MGAT4C: variants seen among roughly 807,000 people sequenced by gnomAD.
The protein encoded by MGAT4C is alpha-1,3-mannosyl-glycoprotein 4-beta-N-acetylglucosaminyltransferase C.
MGAT4C carries 19 observed loss-of-function variants against 40.1 expected under a neutral mutation model. The observed-to-expected ratio is 0.47, with a 90% confidence interval of 0.33 to 0.70. The LOEUF is 0.70. Ranked by LOEUF, MGAT4C falls within the 30% of genes least tolerant of loss-of-function variation. MGAT4C has a pLI of 0.02. For synonymous variants in MGAT4C, 181 were observed against 187.1 expected (o/e 0.97, Z 0.27); for missense variants, 491 against 563.2 (o/e 0.87, Z 1.30).
chr12:86,170,457 C>T (rs1886690387), intron 1 of MGAT4C, among the ~76,000 whole-genome samples: 6 of 152,052 alleles, frequency 3.9e-5, no homozygotes, highest in Admixed American at 3.9e-4. Flanking sequence ...ATTCTTTTAG[C>T]GACTATTTAC....
intron 1 of MGAT4C, among the ~76,000 whole-genome samples, chr12:86,820,764 G>A (rs944546075): frequency 2.0e-5 from 3 of 150,810 alleles, no homozygotes; most frequent in Non-Finnish European, 4.5e-5. Flanking sequence ...TTTGAGTTCA[G>A]TGTGAAGGAT....
chr12:86,398,031 A>G (rs1162235974), intron 3 of MGAT4C, among the ~76,000 whole-genome samples: 1 of 152,222 alleles, frequency 6.6e-6, no homozygotes, highest in Non-Finnish European at 1.5e-5. Flanking sequence ...ATTCCGAGAA[A>G]CAATTAGCAT....
At chr12:86,162,654 T>G (rs1463288325) in intron 1 of MGAT4C, among the ~76,000 whole-genome samples, 2 of 152,082 alleles carry the variant, frequency 1.3e-5, no homozygotes, top group Non-Finnish European at 2.9e-5. Context: ...GAAGTAAAAA[T>G]TATAATAATA....
intron 1 of MGAT4C, among the ~76,000 whole-genome samples, chr12:86,772,305 A>G (rs1951653436): frequency 6.6e-6 from 1 of 152,200 alleles, no homozygotes; most frequent in African/African-American, 2.4e-5. Context: ...TGAGAATTCG[A>G]TACATGCTGA....
At chr12:86,013,813 C>T (rs979947358) in intron 2 of MGAT4C, 3 of 865,168 alleles carry the variant, frequency 3.5e-6, no homozygotes, top group Admixed American at 1.2e-4. Context: ...TCTCCTACTC[C>T]CATAAATATT....
intron 1 of MGAT4C, among the ~76,000 whole-genome samples, chr12:86,805,198 ATTTC>A (rs1016858706): frequency 2.7e-4 from 41 of 151,880 alleles, no homozygotes; most frequent in African/African-American, 9.9e-4. Context: ...TTGAACAACT[ATTTC>A]TTTCTTTTTT....
chr12:86,314,968 T>A (rs1954167157), intron 4 of MGAT4C, among the ~76,000 whole-genome samples: 2 of 152,016 alleles, frequency 1.3e-5, no homozygotes, highest in Non-Finnish European at 2.9e-5. Context: ...ACTGCCAATG[T>A]CATTTTTTAC....
intron 2 of MGAT4C, among the ~76,000 whole-genome samples, chr12:86,467,731 A>T (rs1004789773): frequency 2.0e-5 from 3 of 152,108 alleles, no homozygotes; most frequent in Non-Finnish European, 4.4e-5. Context: ...TTCTCTGAAA[A>T]CAGCTTTCTC....
At chr12:86,428,210 A>G (rs904584564) in intron 3 of MGAT4C, among the ~76,000 whole-genome samples, 2 of 152,216 alleles carry the variant, frequency 1.3e-5, no homozygotes, top group African/African-American at 4.8e-5. Context: ...AGGTGTTATT[A>G]TCTCCATGCT....
At chr12:86,229,660 T>G (rs1017315685) in intron 1 of MGAT4C, among the ~76,000 whole-genome samples, 1 of 151,980 alleles carries the variant, frequency 6.6e-6, no homozygotes, top group African/African-American at 2.4e-5. Context: ...TACAATCTAG[T>G]AATGGTATAA....
At chr12:86,468,935 T>C (rs1957719641) in intron 2 of MGAT4C, among the ~76,000 whole-genome samples, 1 of 152,140 alleles carries the variant, frequency 6.6e-6, no homozygotes, top group East Asian at 1.9e-4. Context: ...ATTCTGTCAA[T>C]TCCCTCTAGT....
chr12:86,058,253 C>T (rs1413296928), intron 1 of MGAT4C, among the ~76,000 whole-genome samples: 1 of 152,014 alleles, frequency 6.6e-6, no homozygotes, highest in Admixed American at 6.6e-5. Context: ...AAAAGCCCCA[C>T]CAGAAAGATG....
At chr12:86,141,987 G>C (rs373512964) in intron 1 of MGAT4C, among the ~76,000 whole-genome samples, 22 of 152,032 alleles carry the variant, frequency 1.4e-4, no homozygotes, top group African/African-American at 5.1e-4. Context: ...TCTTACAGGG[G>C]AGTGGTCTTA....
At chr12:86,222,904 A>G (rs1950936939) in intron 1 of MGAT4C, among the ~76,000 whole-genome samples, 1 of 152,204 alleles carries the variant, frequency 6.6e-6, no homozygotes, top group South Asian at 2.1e-4. Context: ...ATGGCAAAAG[A>G]AAGACACCCA....
chr12:86,137,840 G>A (rs1424037722), intron 1 of MGAT4C, among the ~76,000 whole-genome samples: 2 of 152,144 alleles, frequency 1.3e-5, no homozygotes, highest in Non-Finnish European at 2.9e-5. Flanking sequence ...GTACGTGGGA[G>A]CCAATAACCA....
chr12:86,275,933 T>C (rs1439376489), intron 4 of MGAT4C, among the ~76,000 whole-genome samples: 6 of 69,520 alleles, frequency 8.6e-5, no homozygotes, highest in African/African-American at 3.1e-4. Context: ...ACCCCGTCTC[T>C]ACTAAAAATC....
intron 1 of MGAT4C, among the ~76,000 whole-genome samples, chr12:86,125,583 C>T (rs1172462789): frequency 1.3e-5 from 2 of 152,120 alleles, no homozygotes; most frequent in East Asian, 3.9e-4. Context: ...AACTACTAGA[C>T]ATATGAAAAC....
intron 1 of MGAT4C, among the ~76,000 whole-genome samples, chr12:86,079,003 T>C (rs1565951209): frequency 6.6e-6 from 1 of 152,162 alleles, no homozygotes; most frequent in Non-Finnish European, 1.5e-5. Context: ...GAATTTCTTT[T>C]TAAAATTAGA....
At chr12:86,331,062 G>C (rs1240821676) in intron 4 of MGAT4C, among the ~76,000 whole-genome samples, 1 of 152,146 alleles carries the variant, frequency 6.6e-6, no homozygotes, top group Non-Finnish European at 1.5e-5. Flanking sequence ...CAGAGTGAGA[G>C]GCCAAGGCAA....
Sources: gnomAD v4.1 joint callset for allele counts (sites outside exome capture counted in the v4.1 genomes callset) on GRCh38, gnomAD v4.1.1 for gene constraint, MANE v1.5 for transcripts, NCBI Gene and HGNC (gene_info 2026-07-23, HGNC 2026-07-21) for gene names.